The following RBMS3 variants were observed in gnomAD, a reference collection of about 807,000 sequenced individuals.
The protein encoded by RBMS3 is RNA binding motif single stranded interacting protein 3.
A neutral mutation model predicts 66.8 loss-of-function variants in RBMS3; 27 were observed. The ratio of observed to expected loss-of-function variants is 0.40; its 90% CI spans 0.30 to 0.56. RBMS3 has a LOEUF of 0.56. RBMS3 is among the 20% of genes least tolerant of loss of function. The probability of loss-of-function intolerance (pLI) is 0.40; values close to 1 mark genes in which losing one functional copy is unlikely to be tolerated. For synonymous variants in RBMS3, 188 were observed against 183.0 expected (o/e 1.03, Z -0.22); for missense variants, 513 against 549.5 (o/e 0.93, Z 0.66).
At chr3:29,716,557 T>A (rs2053403524) in intron 4 of RBMS3, among the ~76,000 whole-genome samples, 1 of 152,184 alleles carries the variant, frequency 6.6e-6, no homozygotes, top group African/African-American at 2.4e-5. Context: ...GCAAGAGTGT[T>A]ATGTGCTAAC....
intron 1 of RBMS3, among the ~76,000 whole-genome samples, chr3:29,394,983 C>G (rs938684919): frequency 6.6e-6 from 1 of 152,200 alleles, no homozygotes; most frequent in Non-Finnish European, 1.5e-5. Flanking sequence ...CTGGCCACCC[C>G]ACTTAAATTT....
intron 1 of RBMS3, among the ~76,000 whole-genome samples, chr3:29,375,592 CAT>C (rs1209666855): frequency 1.3e-5 from 2 of 152,118 alleles, no homozygotes; most frequent in African/African-American, 2.4e-5. Flanking sequence ...AGCCAACAAA[CAT>C]ATGAAAAATG....
intron 1 of RBMS3, among the ~76,000 whole-genome samples, chr3:29,366,057 T>C (rs1424073957): frequency 6.6e-6 from 1 of 152,164 alleles, no homozygotes; most frequent in Non-Finnish European, 1.5e-5. Context: ...GAAGTAAGAG[T>C]TGAACCAACT....
At chr3:29,926,960 C>A (rs1251479768) in intron 10 of RBMS3, 1 of 152,176 alleles carries the variant, frequency 6.6e-6, no homozygotes, top group Non-Finnish European at 1.5e-5. Context: ...ATTTAAAAAA[C>A]CTTAACCTAC....
Position 29,281,148 on chromosome 3 carries a change from T to C in RBMS3, c.-534T>C, listed in dbSNP as rs1575457389. 2 of 148,020 alleles carry C rather than the reference T, an allele frequency of 1.4e-5. No individual in the cohort carries two copies. Among genetic ancestry groups the C allele is most frequent in the African/African-American group, 5.0e-5 (2 of 39,884 alleles). 9.2% of individuals were successfully genotyped at this position (148,020 alleles called of 1,614,324 possible). On this transcript the variant is annotated 5_prime_UTR_variant, in exon 1 of 15. Transcript: ENST00000383767. ...TTTTTTTTTTCTTCCTTTTTTTCTT[T>C]TTTTTTTTCTTTTTCCCCTTTCTTT...
intron 11 of RBMS3, among the ~76,000 whole-genome samples, chr3:29,937,182 G>A (rs539278671): frequency 6.6e-6 from 1 of 152,026 alleles, no homozygotes; most frequent in Admixed American, 6.6e-5. Flanking sequence ...CAATTTTTGG[G>A]AAAATAATAT....
chr3:29,744,483 A>G (rs920747946), intron 5 of RBMS3, among the ~76,000 whole-genome samples: 3 of 152,192 alleles, frequency 2.0e-5, no homozygotes, highest in Non-Finnish European at 2.9e-5. Context: ...TTCCACAGGC[A>G]TTATTAAAAG....
intron 1 of RBMS3, among the ~76,000 whole-genome samples, chr3:29,318,992 A>G (rs1380097816): frequency 2.0e-5 from 3 of 151,998 alleles, no homozygotes; most frequent in African/African-American, 7.2e-5. Flanking sequence ...GCATTGTAGC[A>G]TATATCAAAG....
chr3:29,501,998 G>T (rs564217182), intron 3 of RBMS3, among the ~76,000 whole-genome samples: 14 of 152,120 alleles, frequency 9.2e-5, no homozygotes, highest in Non-Finnish European at 1.9e-4. Context: ...GAGTCTAGAA[G>T]TCTCTTAGAA....
intron 3 of RBMS3, among the ~76,000 whole-genome samples, chr3:29,497,389 C>T (rs772691742): frequency 2.0e-5 from 3 of 152,158 alleles, no homozygotes; most frequent in Admixed American, 6.5e-5. Flanking sequence ...TACTTTCACC[C>T]GTAAACCGAA....
rs150007559 is a variant in RBMS3 at position 29,999,477 on chromosome 3, G to A, written c.1308-4379G>A. 6.2e-4 allele frequency among the ~76,000 whole-genome samples: 95 copies of A among 152,170 alleles called. No individual in the cohort carries two copies. In the East Asian group the frequency reaches 0.011, roughly 17 times the overall value. ...GCACATGCACATGTATGTTTATAGC[G>A]GCACTATTCACAATAGCAAAGACTT... On this transcript the variant is annotated intron_variant, in intron 14 of 14. Transcript: ENST00000383767.
intron 1 of RBMS3, among the ~76,000 whole-genome samples, chr3:29,299,906 A>G (rs558551390): frequency 1.2e-4 from 19 of 152,028 alleles, no homozygotes; most frequent in Admixed American, 4.6e-4. Context: ...AAATAGTCTT[A>G]TAAAAGAAGG....
At chr3:29,482,331 AT>A (rs1004126381) in intron 2 of RBMS3, among the ~76,000 whole-genome samples, 1 of 152,252 alleles carries the variant, frequency 6.6e-6, no homozygotes, top group Admixed American at 6.5e-5. Flanking sequence ...TTTTCTTTTG[AT>A]TTTAGAACTT....
chr3:29,880,009 T>C (rs2059699790), intron 7 of RBMS3, among the ~76,000 whole-genome samples: 1 of 152,150 alleles, frequency 6.6e-6, no homozygotes, highest in Non-Finnish European at 1.5e-5. Flanking sequence ...ATCAAATAAC[T>C]ATCTCCTAAG....
chr3:29,815,152 A>G (rs1031357503), intron 6 of RBMS3, among the ~76,000 whole-genome samples: 3 of 152,194 alleles, frequency 2.0e-5, no homozygotes, highest in African/African-American at 7.2e-5. Flanking sequence ...CAACTGCAGC[A>G]CAAGATAAGA....
At chr3:29,927,892 C>G (rs1213127974) in intron 10 of RBMS3, among the ~76,000 whole-genome samples, 1 of 152,028 alleles carries the variant, frequency 6.6e-6, no homozygotes, top group Non-Finnish European at 1.5e-5. Context: ...TTGGGCAGCC[C>G]TACAACTCAT....
intron 4 of RBMS3, among the ~76,000 whole-genome samples, chr3:29,658,581 G>A (rs72846066): frequency 0.011 from 1,731 of 152,202 alleles, 33 homozygotes; most frequent in African/African-American, 0.04. Flanking sequence ...ATTACTCTTC[G>A]TGATGCAAAA....
intron 1 of RBMS3, among the ~76,000 whole-genome samples, chr3:29,431,651 A>G (rs997534102): frequency 6.6e-6 from 1 of 152,038 alleles, no homozygotes; most frequent in African/African-American, 2.4e-5. Flanking sequence ...TGTCATGTCT[A>G]TTCTTTCACT....
At chr3:29,455,171 G>A (rs962764232) in intron 2 of RBMS3, among the ~76,000 whole-genome samples, 5 of 151,994 alleles carry the variant, frequency 3.3e-5, no homozygotes, top group East Asian at 1.9e-4. Context: ...GTATGTTCCC[G>A]TTTCACTTTG....
Sources: gnomAD v4.1 joint callset for allele counts (sites outside exome capture counted in the v4.1 genomes callset) on GRCh38, gnomAD v4.1.1 for gene constraint, MANE v1.5 for transcripts, NCBI Gene and HGNC (gene_info 2026-07-23, HGNC 2026-07-21) for gene names.